MLH3: variants seen among roughly 807,000 people sequenced by gnomAD.
MLH3 encodes DNA mismatch repair protein Mlh3.
A neutral mutation model predicts 122.2 loss-of-function variants in MLH3; 82 were observed. That is an observed-to-expected ratio of 0.67 (90% CI 0.56 to 0.81). The LOEUF is 0.81. Ranked by LOEUF, MLH3 falls within the 30% of genes least tolerant of loss-of-function variation. MLH3 has a pLI of 0.00. For synonymous variants in MLH3, 524 were observed against 599.5 expected (o/e 0.87, Z 1.84); for missense variants, 1,539 against 1,714.5 (o/e 0.90, Z 1.81).
rs1402885146 is a variant in MLH3 at position 75,047,547 on chromosome 14, T to C, written c.2109A>G (p.Lys703=). 6 of 1,613,916 alleles carry C rather than the reference T, an allele frequency of 3.7e-6. No individual in the cohort carries two copies. The highest frequency in any genetic ancestry group is 1.6e-4 in the Middle Eastern group (1 of 6,084). Residue 703 remains lysine (K), a synonymous_variant, in exon 2 of 13, where the codon AAA becomes AAG. Coordinates refer to ENST00000355774, the MANE Select transcript of MLH3 (RefSeq NM_001040108.2). ...CAGATAATATGCAATCTGTTTGTGA[T>C]TTTTTGCTACCTTCCTGAAAAGCAG... The part of the protein sequence containing the change: ...MFSAFQEGSK[K]SQTDCILSDT...
intron 2 of MLH3, among the ~76,000 whole-genome samples, chr14:75,042,822 C>CTGGAGTACAGTGG (rs1384609554): frequency 6.6e-6 from 1 of 151,508 alleles, no homozygotes; most frequent in Non-Finnish European, 1.5e-5. Flanking sequence ...GTCGCCCGGG[C>CTGGAGTACAGTGG]TGGAGTACAG....
intron 11 of MLH3, among the ~76,000 whole-genome samples, chr14:75,019,854 G>A (rs1890158921): frequency 6.6e-6 from 1 of 152,148 alleles, no homozygotes; most frequent in Non-Finnish European, 1.5e-5. Flanking sequence ...GGCAGTTAGT[G>A]AGACAGATAA....
rs2139413400 is a variant in MLH3, at chr14:75,033,495, A to G, written c.3644-5T>C. ...CCAGCACGAGCAGGTTCCCACCTAG[A>G]TGAGCAAGGATTGTGAACTTTGATT... is the stretch of plus-strand genomic sequence containing the variant. On this transcript the variant is annotated splice_polypyrimidine_tract_variant and splice_region_variant and intron_variant, in intron 6 of 12. Coordinates refer to ENST00000355774, the MANE Select transcript of MLH3 (RefSeq NM_001040108.2). 1.9e-6 allele frequency: 3 copies of G among 1,612,450 alleles called. No homozygotes were observed. The highest frequency in any genetic ancestry group is 2.5e-6 in the Non-Finnish European group (3 of 1,178,440).
Position 75,049,548 on chromosome 14 carries a change from A to C in MLH3, c.108T>G (p.Ala36=). ...CCCTGACAGCCACACATTTTGCTTC[A>C]GCATCAATACTGTTGAGGGCAAGTT... ...VEELALNSID[A]EAKCVAVRVN... is the part of the protein sequence containing the mutation. The change falls in exon 2 of 13, where the codon GCT becomes GCG. Residue 36 remains alanine, a synonymous_variant. Transcript: ENST00000355774. The C allele has an allele frequency of 1.2e-6, 2 of 1,614,238 alleles. No homozygotes were observed. Among genetic ancestry groups the C allele is most frequent in the Non-Finnish European group, 1.7e-6 (2 of 1,180,042 alleles).
At chr14:75,022,942 C>G (rs547366353) in intron 10 of MLH3, 50 bp from the exon 11 acceptor site, 3 of 1,613,792 alleles carry the variant, frequency 1.9e-6, no homozygotes, top group African/African-American at 1.3e-5. Context: ...AACAACGAAG[C>G]CTTTTATGTG....
chr14:75,021,065 TG>T (rs1179711399), intron 11 of MLH3, among the ~76,000 whole-genome samples: 1 of 152,126 alleles, frequency 6.6e-6, no homozygotes, highest in Non-Finnish European at 1.5e-5. Flanking sequence ...TTAGTAGAGA[TG>T]GGGTTTCACC....
At position 75,046,683 on chromosome 14, in the gene MLH3, T is replaced by G; in HGVS notation, c.2973A>C (p.Ser991=). Residue 991 remains serine, a synonymous_variant, in exon 2 of 13, where the codon TCA becomes TCC. Transcript: ENST00000355774. ...AGTCAAGACTTCCTATCTGTTGTTCTGAGGCTCTGATAAGAACATCTGAAT... is the reference window on the plus strand; with the variant it reads ...AGTCAAGACTTCCTATCTGTTGTTCGGAGGCTCTGATAAGAACATCTGAAT... ...GKDSDVLIRA[S]EQQIGSLDSP... is the part of the protein sequence containing the mutation. The G allele has an allele frequency of 1.9e-6, 3 of 1,614,238 alleles. No homozygotes were observed. Among genetic ancestry groups the G allele is most frequent in the Non-Finnish European group, 1.7e-6 (2 of 1,180,030 alleles).
chr14:75,030,448 C>A (rs1449876596), intron 9 of MLH3, 95 bp downstream of exon 9: 3 of 1,266,096 alleles, frequency 2.4e-6, no homozygotes, highest in Non-Finnish European at 3.5e-6. Context: ...ACCATGAATA[C>A]TTGTTGAAGA....
chr14:75,016,985 TTCAG>T lies in MLH3; in HGVS notation c.*93_*96del. 1 of 1,463,794 alleles carries T rather than the reference TTCAG, an allele frequency of 6.8e-7. No individual in the cohort carries two copies. The highest frequency in any genetic ancestry group is 9.5e-7 in the Non-Finnish European group (1 of 1,049,402). 90.7% of individuals were successfully genotyped at this position (1,463,794 alleles called of 1,614,324 possible). A position where few individuals can be genotyped will look rare whatever the true frequency, so the allele number is the denominator to read the frequency against. On this transcript the variant is annotated 3_prime_UTR_variant, in exon 13 of 13. Transcript: ENST00000355774. ...AAGCTGCTCAGGGACACTGGGCTGA[TTCAG>T]TCAGGGCCGTGCTGGTACCTGCTGC...
Position 75,037,559 on chromosome 14 carries a change from T to C in MLH3, c.3643+781A>G, listed in dbSNP as rs181060201. Among the ~76,000 whole-genome samples, 698 of 152,322 alleles carry C rather than the reference T, an allele frequency of 4.6e-3. 4 individuals are homozygous for C. Among genetic ancestry groups the C allele is most frequent in the Non-Finnish European group, 6.7e-3 (458 of 68,038 alleles). On this transcript the variant is annotated intron_variant, in intron 6 of 12. Transcript: ENST00000355774. Reference sequence around the variant, plus strand: ...GTCACCAAGAGATTCTGTGTAAATATTGACAAACCTAGCAGAGTTCATTAT... The same window carrying C: ...GTCACCAAGAGATTCTGTGTAAATACTGACAAACCTAGCAGAGTTCATTAT...
chr14:75,041,523 G>A (rs1891850955), intron 4 of MLH3, 92 bp downstream of exon 4: 1 of 978,722 alleles, frequency 1.0e-6, no homozygotes. Context: ...ATTTCAGTCT[G>A]GGCAACAGGA....
intron 6 of MLH3, 61 bp from the exon 7 acceptor site, chr14:75,033,551 T>C: frequency 7.7e-7 from 1 of 1,303,118 alleles, no homozygotes; most frequent in Non-Finnish European, 1.1e-6. Flanking sequence ...ATCATGTGTG[T>C]TGAGGACAGA....
Position 75,049,250 on chromosome 14 carries a change from CA to C in MLH3, c.405del (p.Asp136MetfsTer2), listed in dbSNP as rs1892496921. 8 of 1,614,120 alleles carry C rather than the reference CA, an allele frequency of 5.0e-6. No homozygotes were observed. The Admixed American group carries it at 8.3e-5, about 17-fold the overall frequency. On this transcript the variant is annotated frameshift_variant, in exon 2 of 13. Transcript: ENST00000355774. LOFTEE classifies it high-confidence loss of function. ...QSGKALKACE[A>X]DVTRASAGTT... ...GTCCCAGCGCTTGCTCTAGTCACAT[CA>C]GCTTCACAAGCTTTCAGGGCTTTTC... is the stretch of plus-strand genomic sequence containing the variant.
At chr14:75,050,620 G>A (rs1168191844) in intron 1 of MLH3, among the ~76,000 whole-genome samples, 1 of 152,042 alleles carries the variant, frequency 6.6e-6, no homozygotes, top group Admixed American at 6.6e-5. Context: ...GCCTGGTCTC[G>A]AACTCCTGAA....
intron 6 of MLH3, among the ~76,000 whole-genome samples, chr14:75,036,439 G>A (rs760250463): frequency 6.6e-5 from 10 of 151,708 alleles, no homozygotes; most frequent in African/African-American, 9.7e-5. Context: ...TCCGCCTCCC[G>A]GGTTAAAGCA....
chr14:75,038,002 C>T lies in MLH3; in HGVS notation c.3643+338G>A, dbSNP rs28757017. On this transcript the variant is annotated intron_variant, in intron 6 of 12. Transcript: ENST00000355774. ...ACATCCTCTGCCTCCCAAGTTCAAGCGATTCTTGTGCCTTAGCCTCCTGAG... is the reference window on the plus strand; with the variant it reads ...ACATCCTCTGCCTCCCAAGTTCAAGTGATTCTTGTGCCTTAGCCTCCTGAG... Among the ~76,000 whole-genome samples the T allele has an allele frequency of 8.5e-3, 1,288 of 152,264 alleles. 15 individuals are homozygous for T. Among genetic ancestry groups the T allele is most frequent in the African/African-American group, 0.028 (1,163 of 41,542 alleles).
Position 75,016,945 on chromosome 14 carries a change from A to G in MLH3, c.*137T>C. On this transcript the variant is annotated 3_prime_UTR_variant, in exon 13 of 13. Coordinates refer to ENST00000355774, the MANE Select transcript of MLH3 (RefSeq NM_001040108.2). Reference sequence around the variant, plus strand: ...ATCTGCTCAAGAAAGACTGATACAGAGAGCCCTGCTGTCTAAGCTGCTCAG... The same window carrying G: ...ATCTGCTCAAGAAAGACTGATACAGGGAGCCCTGCTGTCTAAGCTGCTCAG... The G allele has an allele frequency of 1.1e-6, 1 of 932,360 alleles. No homozygotes were observed. The allele number at this position is 932,360 out of a possible 1,614,324, so 57.8% of individuals were successfully genotyped here.
chr14:75,019,578 C>CAG (rs1392881177), intron 11 of MLH3, among the ~76,000 whole-genome samples: 1 of 152,086 alleles, frequency 6.6e-6, no homozygotes, highest in East Asian at 1.9e-4. Flanking sequence ...ATCTGGCTTT[C>CAG]AGAGTTTTTC....
Position 75,046,696 on chromosome 14 carries a change from A to C in MLH3, c.2960T>G (p.Leu987Arg). The C allele has an allele frequency of 6.2e-7, 1 of 1,614,218 alleles. No homozygotes were observed. Among genetic ancestry groups the C allele is most frequent in the Non-Finnish European group, 8.5e-7 (1 of 1,180,030 alleles). ...SKVTGKDSDV[L>R]IRASEQQIGS... ...TATCTGTTGTTCTGAGGCTCTGATA[A>C]GAACATCTGAATCTTTACCGGTAAC... The change falls in exon 2 of 13, where the codon CTT (leucine) becomes CGT (arginine). Residue 987 changes from leucine (L) to arginine (R), a missense_variant. Physicochemically the swap from Leu to Arg is moderately radical, Grantham distance 102. Coordinates refer to ENST00000355774, the MANE Select transcript of MLH3 (RefSeq NM_001040108.2).
Sources: gnomAD v4.1 joint callset for allele counts (sites outside exome capture counted in the v4.1 genomes callset) on GRCh38, gnomAD v4.1.1 for gene constraint, MANE v1.5 for transcripts, NCBI Gene and HGNC (gene_info 2026-07-23, HGNC 2026-07-21) for gene names.